The following FMN2 variants were observed in gnomAD, a reference collection of about 807,000 sequenced individuals.
FMN2 encodes formin 2.
In FMN2, 51 loss-of-function variants were observed where a neutral mutation model predicts 142.3. That is an observed-to-expected ratio of 0.36 (90% CI 0.29 to 0.45). FMN2 has a LOEUF of 0.45. Among genes scored for constraint, FMN2 ranks in the 20% least tolerant of loss-of-function variants. FMN2 has a pLI of 1.00. For synonymous variants in FMN2, 882 were observed against 869.8 expected, an observed-to-expected ratio of 1.01 and a Z score of -0.25; for missense variants, 1,936 against 2,122.8, an observed-to-expected ratio of 0.91 and a Z score of 1.73.
intron 8 of FMN2, among the ~76,000 whole-genome samples, chr1:240,297,740 A>G (rs962108065): frequency 3.9e-5 from 6 of 152,182 alleles, no homozygotes; most frequent in Non-Finnish European, 7.3e-5. Context: ...AAGTAGAAAA[A>G]GTACTGTGTC....
At chr1:240,143,944 T>A (rs1485495389) in intron 2 of FMN2, 1 of 1,468,836 alleles carries the variant, frequency 6.8e-7, no homozygotes, top group Non-Finnish European at 9.5e-7. Flanking sequence ...TGGAACCAAG[T>A]CTCATGGTGT....
At chr1:240,168,405 A>G (rs1016795659) in intron 2 of FMN2, among the ~76,000 whole-genome samples, 61 of 152,232 alleles carry the variant, frequency 4.0e-4, no homozygotes, top group African/African-American at 1.4e-3. Context: ...TGGGCAACAT[A>G]GCAAGACTCC....
intron 15 of FMN2, among the ~76,000 whole-genome samples, chr1:240,418,978 G>T (rs879300868): frequency 3.9e-5 from 6 of 152,100 alleles, no homozygotes; most frequent in Non-Finnish European, 8.8e-5. Flanking sequence ...CATGGTGGTG[G>T]GCGCCTGTAA....
intron 6 of FMN2, among the ~76,000 whole-genome samples, chr1:240,247,930 GCATATAT>G (rs1475910394): frequency 2.6e-5 from 4 of 152,028 alleles, no homozygotes; most frequent in African/African-American, 9.7e-5. Context: ...ATCATTTTGA[GCATATAT>G]CATTTCTGTG....
intron 16 of FMN2, among the ~76,000 whole-genome samples, chr1:240,466,777 G>A (rs945509315): frequency 1.3e-5 from 2 of 152,140 alleles, no homozygotes; most frequent in Admixed American, 6.5e-5. Context: ...ATGTGGAGCC[G>A]CGATTCCCTG....
chr1:240,171,229 G>T, intron 2 of FMN2: 1 of 775,258 alleles, frequency 1.3e-6, no homozygotes, highest in Non-Finnish European at 2.4e-6. Flanking sequence ...GTCTTTTGAT[G>T]AAATTAACAA....
chr1:240,180,983 C>A (rs943148730), intron 3 of FMN2, among the ~76,000 whole-genome samples: 5 of 151,532 alleles, frequency 3.3e-5, no homozygotes, highest in African/African-American at 1.2e-4. Flanking sequence ...GTGCTTCGTT[C>A]GTTGTTTTTT....
At chr1:240,143,695 CCCAGT>C (rs1663294513) in intron 2 of FMN2, 1 of 1,600,360 alleles carries the variant, frequency 6.2e-7, no homozygotes, top group East Asian at 2.2e-5. Flanking sequence ...GTGATTGAGA[CCCAGT>C]CCAAGAGGAA....
chr1:240,473,942 G>C lies in FMN2; in HGVS notation c.5143-186G>C, dbSNP rs1002698581. Reference sequence around the variant, plus strand: ...TCAAAAGTATTTGGCGATTTGTCTTGATAAAAGTGCTCAAAGATAACACAG... The same window carrying C: ...TCAAAAGTATTTGGCGATTTGTCTTCATAAAAGTGCTCAAAGATAACACAG... On this transcript the variant is annotated intron_variant, in intron 17 of 17. Transcript: ENST00000319653. The surrounding 1 kb of genome is among the most constrained non-coding windows in gnomAD (Gnocchi z 4.3). 7.1e-6 allele frequency among the ~76,000 whole-genome samples: 1 copy of C among 140,888 alleles called. No individual in the cohort carries two copies. The highest frequency in any genetic ancestry group is 1.6e-5 in the Non-Finnish European group (1 of 62,438). The allele number at this position is 140,888 out of a possible 152,430, so 92.4% of individuals were successfully genotyped here.
intron 1 of FMN2, among the ~76,000 whole-genome samples, chr1:240,116,878 G>A (rs1662045433): frequency 6.6e-6 from 1 of 152,126 alleles, no homozygotes; most frequent in Admixed American, 6.5e-5. Flanking sequence ...AGCAAACGTA[G>A]TTAATTCCGG....
intron 16 of FMN2, among the ~76,000 whole-genome samples, chr1:240,446,783 G>A (rs1484310165): frequency 6.6e-6 from 1 of 152,024 alleles, no homozygotes; most frequent in Non-Finnish European, 1.5e-5. Flanking sequence ...AAAACGTAAG[G>A]AGCCAAAGGC....
intron 10 of FMN2, 59 bp from the exon 11 acceptor site, chr1:240,330,544 A>G: frequency 1.3e-6 from 2 of 1,571,288 alleles, no homozygotes; most frequent in Non-Finnish European, 1.7e-6. Context: ...CAACTCGATG[A>G]TTCAAACAAA....
At chr1:240,467,277 CT>C (rs35875922) in intron 16 of FMN2, among the ~76,000 whole-genome samples, 79,576 of 140,772 alleles carry the variant, frequency 0.57, 21,913 homozygotes, top group Middle Eastern at 0.61. Flanking sequence ...TAAATCGTTC[CT>C]TTTTTTTTTT....
intron 7 of FMN2, among the ~76,000 whole-genome samples, chr1:240,262,663 C>T (rs940987879): frequency 1.3e-5 from 2 of 151,584 alleles, no homozygotes; most frequent in African/African-American, 2.4e-5. Context: ...AACAATGTCA[C>T]GGTTAGATAG....
intron 4 of FMN2, among the ~76,000 whole-genome samples, chr1:240,192,016 C>A (rs553142158): frequency 6.6e-6 from 1 of 152,148 alleles, no homozygotes; most frequent in East Asian, 1.9e-4. Flanking sequence ...TGTCTTCCCC[C>A]ATATGTTGTA....
intron 13 of FMN2, among the ~76,000 whole-genome samples, chr1:240,337,469 G>T (rs375023339): frequency 6.6e-5 from 10 of 152,162 alleles, no homozygotes; most frequent in African/African-American, 2.4e-4. Context: ...CCTTCTAAGT[G>T]ATCAAGTGAG....
At chr1:240,342,489 T>C (rs2103030335) in intron 13 of FMN2, among the ~76,000 whole-genome samples, 1 of 152,346 alleles carries the variant, frequency 6.6e-6, no homozygotes, top group African/African-American at 2.4e-5. Context: ...GTATATCATG[T>C]TGAGCATTCT....
chr1:240,392,000 TC>T (rs1275105948), intron 14 of FMN2, among the ~76,000 whole-genome samples: 1 of 152,070 alleles, frequency 6.6e-6, no homozygotes, highest in Non-Finnish European at 1.5e-5. Context: ...ATTATCACAT[TC>T]CCCCTTTTCA....
chr1:240,331,751 A>G (rs1007403240), intron 11 of FMN2, among the ~76,000 whole-genome samples: 4 of 152,204 alleles, frequency 2.6e-5, no homozygotes, highest in African/African-American at 9.6e-5. Context: ...CATTCAATAC[A>G]TCTAACCTAG....
Sources: allele counts gnomAD v4.1 joint callset (sites outside exome capture counted in the v4.1 genomes callset), GRCh38; gene constraint gnomAD v4.1.1; non-coding constraint Gnocchi (gnomAD v3.1); transcripts MANE v1.5; gene names NCBI Gene and HGNC (gene_info 2026-07-23, HGNC 2026-07-21).